Variants in NLGN1 observed in about 807,000 individuals in gnomAD.
The protein encoded by NLGN1 is neuroligin 1.
NLGN1 carries 12 observed loss-of-function variants against 65.5 expected under a neutral mutation model. That is an observed-to-expected ratio of 0.18 (90% CI 0.12 to 0.30). The LOEUF (loss-of-function observed/expected upper bound fraction) is 0.30, where lower values mean the gene tolerates loss of function less well. Ranked by LOEUF, NLGN1 falls within the 10% of genes least tolerant of loss-of-function variation. The pLI, the probability that NLGN1 is intolerant of heterozygous loss-of-function variation, is 1.00. For missense variants in NLGN1, 750 were observed against 1,007.1 expected (o/e 0.74, Z 3.46); for synonymous variants, 350 against 359.5 (o/e 0.97, Z 0.30).
intron 4 of NLGN1, among the ~76,000 whole-genome samples, chr3:173,827,982 C>G (rs182602800): frequency 6.6e-6 from 1 of 151,970 alleles, no homozygotes; most frequent in Non-Finnish European, 1.5e-5. Flanking sequence ...CCAAAAACAC[C>G]CTCACAGACA....
intron 4 of NLGN1, among the ~76,000 whole-genome samples, chr3:173,935,896 A>AT (rs1744989829): frequency 6.6e-6 from 1 of 151,976 alleles, no homozygotes; most frequent in African/African-American, 2.4e-5. Context: ...GCTAATACAG[A>AT]TTTTGAGACA....
intron 4 of NLGN1, among the ~76,000 whole-genome samples, chr3:173,840,113 T>G (rs1724507378): frequency 6.6e-6 from 1 of 152,132 alleles, no homozygotes; most frequent in Admixed American, 6.5e-5. Flanking sequence ...ATTATTGCAT[T>G]TTATTGGACA....
At position 174,006,373 on chromosome 3, in the gene NLGN1, A is replaced by G. The variant is rs1706973688; in HGVS notation, c.646+198541A>G. Among the ~76,000 whole-genome samples, 3 of 152,272 alleles carry G rather than the reference A, an allele frequency of 2.0e-5. No homozygotes were observed. In the South Asian group the frequency reaches 6.2e-4, roughly 32 times the overall value. ...GTCCCTCATTCAAGAGTTATTCATT[A>G]TGTGTCACATTTTCTTCCACACGTA... On this transcript the variant is annotated intron_variant, in intron 4 of 6. Coordinates refer to ENST00000457714, the Ensembl canonical transcript of NLGN1.
At chr3:173,890,391 G>C in intron 4 of NLGN1, among the ~76,000 whole-genome samples, 1 of 152,100 alleles carries the variant, frequency 6.6e-6, no homozygotes, top group African/African-American at 2.4e-5. Flanking sequence ...GCCGGAGACC[G>C]CAGTGTGTGC....
chr3:173,599,979 G>A (rs1430567827), intron 2 of NLGN1, among the ~76,000 whole-genome samples: 1 of 152,052 alleles, frequency 6.6e-6, no homozygotes, highest in East Asian at 1.9e-4. Context: ...AGTGCAAGAT[G>A]CTTCATCTTT....
chr3:173,837,890 A>G (rs963298360), intron 4 of NLGN1, among the ~76,000 whole-genome samples: 2 of 152,212 alleles, frequency 1.3e-5, no homozygotes, highest in Non-Finnish European at 2.9e-5. Flanking sequence ...GACTGTATGC[A>G]GTTCTAGAGA....
intron 4 of NLGN1, among the ~76,000 whole-genome samples, chr3:174,080,327 G>A (rs1741895663): frequency 1.3e-5 from 2 of 152,170 alleles, no homozygotes; most frequent in South Asian, 4.1e-4. Flanking sequence ...GAGGCATAGG[G>A]CAGAAGGAGA....
At chr3:173,638,094 A>G (rs559243997) in intron 3 of NLGN1, among the ~76,000 whole-genome samples, 2 of 152,052 alleles carry the variant, frequency 1.3e-5, no homozygotes, top group Non-Finnish European at 2.9e-5. Context: ...TTTTTCACCT[A>G]TGATGAAACT....
chr3:173,960,511 A>G (rs1470472793), intron 4 of NLGN1, among the ~76,000 whole-genome samples: 1 of 151,942 alleles, frequency 6.6e-6, no homozygotes. Context: ...ACTAATTTCA[A>G]TTGTTAAATT....
chr3:174,037,358 A>G (rs1049607102), intron 4 of NLGN1, among the ~76,000 whole-genome samples: 1 of 152,208 alleles, frequency 6.6e-6, no homozygotes, highest in Non-Finnish European at 1.5e-5. Context: ...TAAAAACTAA[A>G]TAATCATCCG....
At chr3:173,420,236 C>G (rs1341636223) in intron 1 of NLGN1, among the ~76,000 whole-genome samples, 4 of 152,052 alleles carry the variant, frequency 2.6e-5, no homozygotes, top group Non-Finnish European at 5.9e-5. Flanking sequence ...CTCCTCCCAC[C>G]CCACAACAGT....
At chr3:174,125,216 ACT>A (rs201064729) in intron 4 of NLGN1, among the ~76,000 whole-genome samples, 2,452 of 152,210 alleles carry the variant, frequency 0.016, 31 homozygotes, top group Middle Eastern at 0.031. Flanking sequence ...CTTTTTGATG[ACT>A]CTGTGTAGGA....
chr3:173,568,338 A>G (rs1034041818), intron 2 of NLGN1, among the ~76,000 whole-genome samples: 2 of 150,486 alleles, frequency 1.3e-5, no homozygotes, highest in African/African-American at 2.4e-5. Flanking sequence ...GGCTCTGGCA[A>G]TTCTCCTGTC....
At chr3:174,118,454 A>C (rs2152637989) in intron 4 of NLGN1, among the ~76,000 whole-genome samples, 1 of 152,306 alleles carries the variant, frequency 6.6e-6, no homozygotes, top group South Asian at 2.1e-4. Flanking sequence ...AATAAGAAGA[A>C]GATATGGTTT....
At chr3:174,028,240 G>A (rs1007211134) in intron 4 of NLGN1, among the ~76,000 whole-genome samples, 4 of 152,196 alleles carry the variant, frequency 2.6e-5, no homozygotes, top group African/African-American at 9.7e-5. Flanking sequence ...GTAACAGGCA[G>A]ATGTTGAAAC....
At chr3:174,190,848 T>C (rs1317755770) in intron 4 of NLGN1, among the ~76,000 whole-genome samples, 1 of 152,078 alleles carries the variant, frequency 6.6e-6, no homozygotes, top group African/African-American at 2.4e-5. Context: ...TCAAGGAACA[T>C]CATGTTTGAC....
At chr3:174,230,783 A>T (rs13085781) in intron 4 of NLGN1, among the ~76,000 whole-genome samples, 48,513 of 151,614 alleles carry the variant, frequency 0.32, 8,258 homozygotes, top group East Asian at 0.52. Flanking sequence ...ATAAATATTT[A>T]AAAAAAATAG....
At chr3:173,691,401 A>G (rs868840124) in intron 3 of NLGN1, among the ~76,000 whole-genome samples, 10 of 152,236 alleles carry the variant, frequency 6.6e-5, no homozygotes, top group Middle Eastern at 6.8e-3. Context: ...TTAATTTATA[A>G]TAGGCTCTTT....
intron 3 of NLGN1, among the ~76,000 whole-genome samples, chr3:173,659,767 G>GTGTGTGTA (rs1353561795): frequency 1.1e-4 from 17 of 151,968 alleles, no homozygotes; most frequent in Non-Finnish European, 1.8e-4. Flanking sequence ...GTGTGTATGT[G>GTGTGTGTA]TGTGTGTATG....
Sources: gnomAD v4.1 joint callset for allele counts (sites outside exome capture counted in the v4.1 genomes callset) on GRCh38, gnomAD v4.1.1 for gene constraint, MANE v1.5 for transcripts, NCBI Gene and HGNC (gene_info 2026-07-23, HGNC 2026-07-21) for gene names.